PBX3: variants seen among roughly 807,000 people sequenced by gnomAD.
PBX3 encodes the protein pre-B-cell leukemia transcription factor 3.
PBX3 carries 14 observed loss-of-function variants against 48.5 expected under a neutral mutation model. That is an observed-to-expected ratio of 0.29 (90% CI 0.19 to 0.45). The LOEUF is 0.45. Among genes scored for constraint, PBX3 ranks in the 20% least tolerant of loss-of-function variants. PBX3 has a pLI of 1.00. For synonymous variants in PBX3, 210 were observed against 200.3 expected, an observed-to-expected ratio of 1.05 and a Z score of -0.41; for missense variants, 386 against 546.7, an observed-to-expected ratio of 0.71 and a Z score of 2.93.
chr9:125,853,110 T>G (rs1377344287), intron 2 of PBX3, among the ~76,000 whole-genome samples: 3 of 152,182 alleles, frequency 2.0e-5, no homozygotes, highest in African/African-American at 7.2e-5. Flanking sequence ...CACCCAGAGA[T>G]TATACTGTTG....
At chr9:125,870,588 G>A (rs1487868923) in intron 2 of PBX3, among the ~76,000 whole-genome samples, 1 of 152,112 alleles carries the variant, frequency 6.6e-6, no homozygotes, top group East Asian at 1.9e-4. Flanking sequence ...CATCCCACTG[G>A]GTCTGTCCCA....
chr9:125,807,417 C>T (rs1838159348), intron 2 of PBX3, among the ~76,000 whole-genome samples: 1 of 152,048 alleles, frequency 6.6e-6, no homozygotes, highest in South Asian at 2.1e-4. Context: ...AGTTAGCTTT[C>T]CTAACAGGGA....
chr9:125,799,554 CTACT>C (rs1360631112), intron 2 of PBX3, among the ~76,000 whole-genome samples: 1 of 152,130 alleles, frequency 6.6e-6, no homozygotes, highest in Non-Finnish European at 1.5e-5. Flanking sequence ...GGTTTGTTGA[CTACT>C]TAAGTGTGAA....
intron 2 of PBX3, among the ~76,000 whole-genome samples, chr9:125,763,385 T>C (rs1836721177): frequency 1.3e-5 from 2 of 152,248 alleles, no homozygotes; most frequent in Admixed American, 1.3e-4. Flanking sequence ...ACCGATTACA[T>C]GTAAACAGCC....
At chr9:125,767,952 GAA>G in intron 2 of PBX3, among the ~76,000 whole-genome samples, 1 of 151,840 alleles carries the variant, frequency 6.6e-6, no homozygotes, top group African/African-American at 2.4e-5. Flanking sequence ...TAGGACTAGA[GAA>G]AAAGGCTGGC....
intron 2 of PBX3, among the ~76,000 whole-genome samples, chr9:125,791,321 ATC>A (rs1564656752): frequency 6.6e-6 from 1 of 150,934 alleles, no homozygotes; most frequent in East Asian, 1.9e-4. Context: ...CTATCTATCT[ATC>A]TATCTATCTA....
intron 2 of PBX3, among the ~76,000 whole-genome samples, chr9:125,890,123 A>G (rs1479490178): frequency 6.6e-6 from 1 of 152,134 alleles, no homozygotes; most frequent in Non-Finnish European, 1.5e-5. Flanking sequence ...AGGCCTGGCG[A>G]TGGTAGAGGA....
chr9:125,911,933 C>T (rs747229353), intron 2 of PBX3, among the ~76,000 whole-genome samples: 10 of 152,090 alleles, frequency 6.6e-5, no homozygotes, highest in African/African-American at 1.9e-4. Flanking sequence ...ATCTTAGTTA[C>T]GTCTAATTCA....
intron 5 of PBX3, among the ~76,000 whole-genome samples, chr9:125,947,026 T>C (rs528002436): frequency 3.9e-5 from 6 of 152,332 alleles, no homozygotes; most frequent in African/African-American, 1.4e-4. Context: ...AATGGAGTGA[T>C]ATCTTTAAAG....
intron 2 of PBX3, among the ~76,000 whole-genome samples, chr9:125,786,086 C>A (rs1449825528): frequency 2.0e-5 from 3 of 152,090 alleles, no homozygotes; most frequent in African/African-American, 7.2e-5. Flanking sequence ...TCTACCTACT[C>A]CATTTCCTGC....
intron 2 of PBX3, among the ~76,000 whole-genome samples, chr9:125,860,884 C>CAAAAAA (rs58796485): frequency 8.1e-5 from 8 of 99,124 alleles, no homozygotes; most frequent in Non-Finnish European, 1.4e-4. Flanking sequence ...AAGACTCTGT[C>CAAAAAA]AAAAAAAAAA....
intron 2 of PBX3, among the ~76,000 whole-genome samples, chr9:125,905,468 G>A (rs374786316): frequency 4.4e-4 from 67 of 152,120 alleles, no homozygotes; most frequent in African/African-American, 1.6e-3. Flanking sequence ...ATCAAAGGGA[G>A]ATTAAATCTA....
intron 2 of PBX3, among the ~76,000 whole-genome samples, chr9:125,854,903 T>G (rs1839680385): frequency 6.6e-6 from 1 of 152,206 alleles, no homozygotes; most frequent in South Asian, 2.1e-4. Flanking sequence ...GTTTTCTCAT[T>G]ATAAAAAATG....
intron 2 of PBX3, among the ~76,000 whole-genome samples, chr9:125,864,459 A>G (rs1450481883): frequency 6.6e-6 from 1 of 152,166 alleles, no homozygotes; most frequent in South Asian, 2.1e-4. Flanking sequence ...CTTTATTTCT[A>G]TTATTATTAC....
At chr9:125,913,210 G>A (rs1397074603) in intron 2 of PBX3, among the ~76,000 whole-genome samples, 1 of 151,980 alleles carries the variant, frequency 6.6e-6, no homozygotes, top group Non-Finnish European at 1.5e-5. Flanking sequence ...TGAGTTTTCC[G>A]TCAGGAAATG....
intron 2 of PBX3, among the ~76,000 whole-genome samples, chr9:125,788,103 C>T (rs1001397088): frequency 6.6e-6 from 1 of 152,130 alleles, no homozygotes; most frequent in Non-Finnish European, 1.5e-5. Context: ...TAGTTAATAA[C>T]CAACAGTGGA....
chr9:125,794,241 G>A (rs925831930), intron 2 of PBX3, among the ~76,000 whole-genome samples: 6 of 152,272 alleles, frequency 3.9e-5, no homozygotes, highest in African/African-American at 1.4e-4. Flanking sequence ...GTTCTCTGTG[G>A]ACTGGCAGCA....
chr9:125,890,869 A>C (rs571948094), intron 2 of PBX3, among the ~76,000 whole-genome samples: 2 of 152,302 alleles, frequency 1.3e-5, no homozygotes, highest in South Asian at 4.1e-4. Context: ...CCATGGTAAT[A>C]TTTTGTGCTT....
At chr9:125,851,870 C>CTT (rs1164910184) in intron 2 of PBX3, among the ~76,000 whole-genome samples, 1,351 of 121,424 alleles carry the variant, frequency 0.011, 13 homozygotes, top group African/African-American at 0.025. Context: ...ATTTTTGCTG[C>CTT]TTTTTTTTTT....
Sources: gnomAD v4.1 joint callset for allele counts (sites outside exome capture counted in the v4.1 genomes callset) on GRCh38, gnomAD v4.1.1 for gene constraint, MANE v1.5 for transcripts, NCBI Gene and HGNC (gene_info 2026-07-23, HGNC 2026-07-21) for gene names.